Variants in KIF21A observed in about 807,000 individuals in gnomAD.
KIF21A encodes the protein kinesin-like protein KIF21A.
In KIF21A, 114 loss-of-function variants were observed where a neutral mutation model predicts 202.9. That is an observed-to-expected ratio of 0.56 (90% confidence interval 0.48 to 0.66). KIF21A has a LOEUF of 0.66. Ranked by LOEUF, KIF21A falls within the 30% of genes least tolerant of loss-of-function variation. The pLI is 0.00. For synonymous variants in KIF21A, 667 were observed against 670.8 expected, an observed-to-expected ratio of 0.99 and a Z score of 0.09; for missense variants, 1,677 against 1,994.9, an observed-to-expected ratio of 0.84 and a Z score of 3.04.
At chr12:39,406,215 A>C (rs991631878) in intron 1 of KIF21A, among the ~76,000 whole-genome samples, 1 of 152,216 alleles carries the variant, frequency 6.6e-6, no homozygotes, top group African/African-American at 2.4e-5. Flanking sequence ...ACAAATTTTC[A>C]AGCAACATAT....
intron 36 of KIF21A, among the ~76,000 whole-genome samples, chr12:39,301,943 T>C (rs890940263): frequency 6.6e-6 from 1 of 152,178 alleles, no homozygotes; most frequent in African/African-American, 2.4e-5. Flanking sequence ...TGAAAATACA[T>C]AGAACTTTCG....
chr12:39,398,876 CA>C (rs1184262135), intron 1 of KIF21A, among the ~76,000 whole-genome samples: 1 of 151,508 alleles, frequency 6.6e-6, no homozygotes, highest in East Asian at 1.9e-4. Flanking sequence ...CAAAAATACT[CA>C]AAAAAATTAA....
At chr12:39,380,777 G>A (rs1470388642) in intron 1 of KIF21A, among the ~76,000 whole-genome samples, 2 of 152,106 alleles carry the variant, frequency 1.3e-5, no homozygotes, top group Admixed American at 1.3e-4. Context: ...ATTCAAGAAA[G>A]GAGGAGTAAA....
intron 1 of KIF21A, among the ~76,000 whole-genome samples, chr12:39,371,047 T>C (rs1949917975): frequency 6.6e-6 from 1 of 152,124 alleles, no homozygotes; most frequent in Non-Finnish European, 1.5e-5. Context: ...TCACTTATAA[T>C]ACCTAATACA....
At chr12:39,373,165 T>A (rs1424569391) in intron 1 of KIF21A, among the ~76,000 whole-genome samples, 1 of 152,184 alleles carries the variant, frequency 6.6e-6, no homozygotes, top group African/African-American at 2.4e-5. Flanking sequence ...AACCCTTCAG[T>A]GCATCTCTAA....
At chr12:39,337,224 A>G in intron 16 of KIF21A, 21 bp from the exon 17 acceptor site, 1 of 1,416,546 alleles carries the variant, frequency 7.1e-7, no homozygotes, top group Non-Finnish European at 1.0e-6. Context: ...AGGTATAGAC[A>G]TCTATTGAAA....
chr12:39,318,125 C>T lies in KIF21A; in HGVS notation c.3856G>A (p.Val1286Ile). Residue 1286 changes from valine (V) to isoleucine (I), a missense_variant, in exon 29 of 38, where the codon GTT (valine) becomes ATT (isoleucine). Val to Ile is a conservative substitution (Grantham distance 29). Coordinates refer to ENST00000361418, the MANE Select transcript of KIF21A (RefSeq NM_001173464.2). ...PPSRPRNELN[V>I]FNRLTVSQGN... ...TGAGAAACAGTAAGACGATTAAAAA[C>T]ATTCAGTTCATTACGGGGCCGGCTT... 6.2e-7 allele frequency: 1 copy of T among 1,613,156 alleles called. No individual in the cohort carries two copies.
chr12:39,403,127 C>A (rs1952300148), intron 1 of KIF21A, among the ~76,000 whole-genome samples: 1 of 152,030 alleles, frequency 6.6e-6, no homozygotes, highest in Admixed American at 6.6e-5. Context: ...AACCTTCAAA[C>A]ACCCCTTGAC....
At chr12:39,329,265 T>C (rs1382742233) in intron 24 of KIF21A, among the ~76,000 whole-genome samples, 8 of 152,234 alleles carry the variant, frequency 5.3e-5, no homozygotes, top group Admixed American at 5.2e-4. Context: ...TCTCTGCTTC[T>C]GACCCTTCAA....
Position 39,360,518 on chromosome 12 carries a change from T to C in KIF21A, c.1020-2145A>G, listed in dbSNP as rs1467549279. On this transcript the variant is annotated intron_variant, in intron 7 of 37. Transcript: ENST00000361418. Reference sequence around the variant, plus strand: ...GATTCTCCTGCCTCAGCCTCCCAAGTAGCTGTGACTACAGGTGCCCACCAC... The same window carrying C: ...GATTCTCCTGCCTCAGCCTCCCAAGCAGCTGTGACTACAGGTGCCCACCAC... Among the ~76,000 whole-genome samples, 4 of 152,190 alleles carry C rather than the reference T, an allele frequency of 2.6e-5. No homozygotes were observed. The East Asian group carries it at 7.8e-4, about 30-fold the overall frequency.
At chr12:39,332,795 T>C (rs1592196661) in intron 19 of KIF21A, 51 bp from the exon 20 acceptor site, 1 of 1,599,450 alleles carries the variant, frequency 6.3e-7, no homozygotes, top group East Asian at 2.2e-5. Context: ...CTTATTTGAT[T>C]GTGCACTGCC....
At chr12:39,343,768 T>C (rs1947652457) in intron 12 of KIF21A, among the ~76,000 whole-genome samples, 1 of 152,252 alleles carries the variant, frequency 6.6e-6, no homozygotes, top group South Asian at 2.1e-4. Flanking sequence ...GTCAGCTTCC[T>C]AAGGGAAGGG....
At chr12:39,316,539 A>G (rs1473231254) in intron 29 of KIF21A, among the ~76,000 whole-genome samples, 1 of 152,172 alleles carries the variant, frequency 6.6e-6, no homozygotes, top group East Asian at 1.9e-4. Context: ...GGGGTACTTT[A>G]GTGGGCTTTT....
intron 7 of KIF21A, among the ~76,000 whole-genome samples, chr12:39,361,617 T>C (rs1159006309): frequency 1.1e-5 from 1 of 93,410 alleles, no homozygotes; most frequent in Non-Finnish European, 1.9e-5. Context: ...GCCATTCTCC[T>C]GCCTCAGCCT....
At chr12:39,305,308 G>A (rs1943353831) in intron 34 of KIF21A, among the ~76,000 whole-genome samples, 1 of 148,510 alleles carries the variant, frequency 6.7e-6, no homozygotes, top group African/African-American at 2.5e-5. Flanking sequence ...GGAGGCTGCA[G>A]CAAGCCGAGA....
intron 11 of KIF21A, among the ~76,000 whole-genome samples, chr12:39,347,921 A>C (rs1948040528): frequency 6.6e-6 from 1 of 152,042 alleles, no homozygotes; most frequent in African/African-American, 2.4e-5. Flanking sequence ...ACATACACAA[A>C]AAATGCAAAA....
intron 24 of KIF21A, among the ~76,000 whole-genome samples, chr12:39,329,525 C>CACAATAAATTAAAGT (rs1946310956): frequency 6.7e-6 from 1 of 149,722 alleles, no homozygotes; most frequent in African/African-American, 2.5e-5. Flanking sequence ...GAAGGAGGAA[C>CACAATAAATTAAAGT]ACAATAAATT....
At chr12:39,348,424 C>A (rs184333569) in intron 11 of KIF21A, among the ~76,000 whole-genome samples, 50 of 152,104 alleles carry the variant, frequency 3.3e-4, no homozygotes, top group African/African-American at 1.1e-3. Flanking sequence ...GAAGAGCAAA[C>A]CTTAAAACCT....
intron 1 of KIF21A, among the ~76,000 whole-genome samples, chr12:39,421,504 C>T (rs1482949099): frequency 6.6e-6 from 1 of 151,886 alleles, no homozygotes; most frequent in Non-Finnish European, 1.5e-5. Flanking sequence ...ACCAGCCTGG[C>T]CAACATGGTA....
Sources: gnomAD v4.1 joint callset for allele counts (sites outside exome capture counted in the v4.1 genomes callset) on GRCh38, gnomAD v4.1.1 for gene constraint, MANE v1.5 for transcripts, NCBI Gene and HGNC (gene_info 2026-07-23, HGNC 2026-07-21) for gene names.